CAMK1D: variants seen among roughly 807,000 people sequenced by gnomAD.
The protein encoded by CAMK1D is calcium/calmodulin-dependent protein kinase type 1D.
In CAMK1D, 9 loss-of-function variants were observed where a neutral mutation model predicts 47.7. The observed-to-expected ratio is 0.19, with a 90% confidence interval of 0.11 to 0.33. The LOEUF is 0.33. CAMK1D is among the 10% of genes least tolerant of loss of function. The probability of loss-of-function intolerance (pLI) is 1.00; values close to 1 mark genes in which losing one functional copy is unlikely to be tolerated. For synonymous variants in CAMK1D, 184 were observed against 184.9 expected (o/e 0.99, Z 0.04); for missense variants, 291 against 488.7 (o/e 0.60, Z 3.81).
chr10:12,546,928 T>G (rs1836396506), intron 1 of CAMK1D, among the ~76,000 whole-genome samples: 1 of 151,948 alleles, frequency 6.6e-6, no homozygotes, highest in African/African-American at 2.4e-5. Context: ...CTGCACGTGG[T>G]GCACATGTAC....
At chr10:12,766,798 G>T (rs1836785499) in intron 4 of CAMK1D, among the ~76,000 whole-genome samples, 1 of 152,096 alleles carries the variant, frequency 6.6e-6, no homozygotes, top group African/African-American at 2.4e-5. Flanking sequence ...CGTGGTGGGG[G>T]GATTCTCCAA....
intron 2 of CAMK1D, among the ~76,000 whole-genome samples, chr10:12,598,731 G>A (rs1838216710): frequency 6.6e-6 from 1 of 152,216 alleles, no homozygotes; most frequent in South Asian, 2.1e-4. Context: ...CTTTGAGGTG[G>A]TCCATTGAGC....
At chr10:12,441,686 C>T (rs1832789475) in intron 1 of CAMK1D, among the ~76,000 whole-genome samples, 1 of 152,110 alleles carries the variant, frequency 6.6e-6, no homozygotes, top group Non-Finnish European at 1.5e-5. Flanking sequence ...TGACACATGC[C>T]TGTAATCCCA....
chr10:12,373,516 C>T (rs11257744), intron 1 of CAMK1D, among the ~76,000 whole-genome samples: 49,622 of 151,022 alleles, frequency 0.33, 8,284 homozygotes, highest in Middle Eastern at 0.4. Context: ...CCTGTAATCC[C>T]AGCTACTCAG....
intron 1 of CAMK1D, among the ~76,000 whole-genome samples, chr10:12,534,547 A>T (rs998013259): frequency 1.3e-5 from 2 of 152,162 alleles, no homozygotes; most frequent in Non-Finnish European, 1.5e-5. Context: ...TTGTATTTTT[A>T]GTAGAGATGG....
intron 3 of CAMK1D, among the ~76,000 whole-genome samples, chr10:12,682,283 A>G (rs1832475363): frequency 6.6e-6 from 1 of 152,244 alleles, no homozygotes; most frequent in Non-Finnish European, 1.5e-5. Flanking sequence ...TGTCTTCTGG[A>G]AAGTGTCTTT....
intron 1 of CAMK1D, among the ~76,000 whole-genome samples, chr10:12,362,495 G>GTT (rs71513324): frequency 1.2e-4 from 18 of 151,094 alleles, no homozygotes; most frequent in Admixed American, 1.1e-3. Flanking sequence ...TTTGTTTTTT[G>GTT]TTTTTTGTTT....
intron 6 of CAMK1D, among the ~76,000 whole-genome samples, chr10:12,792,405 C>G (rs1838015254): frequency 6.6e-6 from 1 of 152,180 alleles, no homozygotes; most frequent in African/African-American, 2.4e-5. Flanking sequence ...TAGGCTTAGG[C>G]CAACTTGTTT....
intron 10 of CAMK1D, among the ~76,000 whole-genome samples, chr10:12,827,334 TCTTC>T (rs146751622): frequency 1.6e-5 from 2 of 122,670 alleles, no homozygotes; most frequent in Non-Finnish European, 3.3e-5. Flanking sequence ...CTCTCTCTTC[TCTTC>T]CTTCCTTCCT....
intron 1 of CAMK1D, among the ~76,000 whole-genome samples, chr10:12,411,035 G>A (rs1839638325): frequency 1.3e-5 from 2 of 152,116 alleles, no homozygotes; most frequent in South Asian, 4.1e-4. Context: ...CACCTCACGT[G>A]GAAATAGGTA....
At chr10:12,436,571 C>A (rs1457118135) in intron 1 of CAMK1D, among the ~76,000 whole-genome samples, 2 of 152,308 alleles carry the variant, frequency 1.3e-5, no homozygotes, top group African/African-American at 4.8e-5. Context: ...TCTTTGGGGG[C>A]AGAGGTTCCC....
rs147451460 is a variant in CAMK1D, at chr10:12,555,543, G to T, written c.224+2187G>T. 1.6e-4 allele frequency among the ~76,000 whole-genome samples: 25 copies of T among 152,346 alleles called. No homozygotes were observed. In the East Asian group the frequency reaches 4.4e-3, roughly 27 times the overall value. On this transcript the variant is annotated intron_variant, in intron 2 of 10. Coordinates refer to ENST00000619168, the MANE Select transcript of CAMK1D (RefSeq NM_153498.4). ...AAGAGAATCTGGGAAAACAAATTAA[G>T]TATATTAGCATCTAGCAGGAAAACA...
chr10:12,811,067 T>A (rs1365612110), intron 6 of CAMK1D, among the ~76,000 whole-genome samples: 1 of 152,116 alleles, frequency 6.6e-6, no homozygotes, highest in Non-Finnish European at 1.5e-5. Flanking sequence ...CAGTGAAGAG[T>A]GCTTTGGAGG....
intron 1 of CAMK1D, among the ~76,000 whole-genome samples, chr10:12,401,134 A>G (rs1839180389): frequency 1.4e-5 from 1 of 71,154 alleles, no homozygotes; most frequent in South Asian, 3.4e-4. Flanking sequence ...TGTATTATAT[A>G]TATTATATAT....
At chr10:12,442,309 G>A (rs1312993937) in intron 1 of CAMK1D, among the ~76,000 whole-genome samples, 4 of 152,240 alleles carry the variant, frequency 2.6e-5, no homozygotes, top group East Asian at 1.9e-4. Context: ...GTGAAACCTC[G>A]TCTCTACTAA....
At chr10:12,764,501 G>A (rs1319664699) in intron 4 of CAMK1D, among the ~76,000 whole-genome samples, 1 of 2,120 alleles carries the variant, frequency 4.7e-4, no homozygotes, top group East Asian at 0.25. Context: ...TTCTAGGAGG[G>A]ATGTGCGATG....
At chr10:12,465,260 T>G (rs1833557159) in intron 1 of CAMK1D, among the ~76,000 whole-genome samples, 1 of 152,224 alleles carries the variant, frequency 6.6e-6, no homozygotes, top group South Asian at 2.1e-4. Context: ...ACCCCTGAAT[T>G]CAGAGAGTTT....
intron 1 of CAMK1D, among the ~76,000 whole-genome samples, chr10:12,427,699 T>TG (rs1263152099): frequency 2.6e-5 from 3 of 113,212 alleles, no homozygotes; most frequent in East Asian, 2.6e-4. Flanking sequence ...CTGAACTTAC[T>TG]GTTTTTTTTT....
chr10:12,652,077 C>T (rs892048913), intron 2 of CAMK1D, among the ~76,000 whole-genome samples: 2 of 151,960 alleles, frequency 1.3e-5, no homozygotes, highest in South Asian at 2.1e-4. Context: ...CGCGCCCGGC[C>T]GGAAATAACT....
Sources: gnomAD v4.1 joint callset for allele counts (sites outside exome capture counted in the v4.1 genomes callset) on GRCh38, gnomAD v4.1.1 for gene constraint, MANE v1.5 for transcripts, NCBI Gene and HGNC (gene_info 2026-07-23, HGNC 2026-07-21) for gene names.